Variants in NICOL1 observed in about 807,000 individuals in gnomAD.
NICOL1 encodes the protein NELL2 interacting cell ontogeny regulator 1.
chr4:2,037,505 C>T, the NICOL1 span, among the ~76,000 whole-genome samples: 2 of 152,190 alleles, frequency 1.3e-5, no homozygotes, highest in African/African-American at 4.8e-5. Context: ...GCATTGAAAA[C>T]ATTAAATGCT....
At chr4:2,042,377 C>A in the NICOL1 span, 3 of 517,522 alleles carry the variant, frequency 5.8e-6, no homozygotes, top group African/African-American at 4.0e-5. Context: ...GCGTGCCGGT[C>A]CCCGATGTCA....
the NICOL1 span, among the ~76,000 whole-genome samples, chr4:2,039,902 T>C: frequency 2.6e-5 from 4 of 152,118 alleles, no homozygotes; most frequent in Non-Finnish European, 5.9e-5. Flanking sequence ...ACCAAAAAGA[T>C]GTGTTTTATG....
chr4:2,039,730 C>T, the NICOL1 span, among the ~76,000 whole-genome samples: 2 of 152,066 alleles, frequency 1.3e-5, no homozygotes, highest in African/African-American at 2.4e-5. Context: ...GTCCCAGCTA[C>T]TGGGGAGGCT....
the NICOL1 span, among the ~76,000 whole-genome samples, chr4:2,040,105 C>CAT: frequency 2.7e-4 from 41 of 151,128 alleles, 1 homozygote; most frequent in South Asian, 1.5e-3. Context: ...AAGAAATATA[C>CAT]ATATATATAT....
the NICOL1 span, among the ~76,000 whole-genome samples, chr4:2,040,599 C>G: frequency 6.6e-6 from 1 of 152,202 alleles, no homozygotes; most frequent in Non-Finnish European, 1.5e-5. Context: ...GGCCTGCTCC[C>G]GGGCTCTTGG....
chr4:2,040,838 C>T, the NICOL1 span, among the ~76,000 whole-genome samples: 2 of 151,684 alleles, frequency 1.3e-5, no homozygotes, highest in African/African-American at 4.8e-5. Context: ...CACGCTTCCC[C>T]AACCCACCCT....
At chr4:2,036,908 G>C in the NICOL1 span, among the ~76,000 whole-genome samples, 1 of 152,040 alleles carries the variant, frequency 6.6e-6, no homozygotes, top group African/African-American at 2.4e-5. Context: ...CCTCCACAGG[G>C]GAGGCACTGG....
At chr4:2,038,237 GTATATA>G in the NICOL1 span, among the ~76,000 whole-genome samples, 1,877 of 91,140 alleles carry the variant, frequency 0.021, 28 homozygotes, top group Admixed American at 0.023. Context: ...TGATCAGTGT[GTATATA>G]TATATATATA....
At chr4:2,037,484 ATT>A in the NICOL1 span, among the ~76,000 whole-genome samples, 1 of 152,244 alleles carries the variant, frequency 6.6e-6, no homozygotes, top group African/African-American at 2.4e-5. Flanking sequence ...ACTCATCAAT[ATT>A]TGTGTGATGC....
chr4:2,040,691 G>C, the NICOL1 span, among the ~76,000 whole-genome samples: 3 of 152,218 alleles, frequency 2.0e-5, no homozygotes, highest in African/African-American at 7.2e-5. Flanking sequence ...CTGGGACAGC[G>C]GCCCGCAGCC....
At chr4:2,042,714 C>A in the NICOL1 span, 3 of 1,488,582 alleles carry the variant, frequency 2.0e-6, no homozygotes, top group Non-Finnish European at 1.8e-6. Flanking sequence ...GCCCCCTCCA[C>A]CCTGACCCGC....
the NICOL1 span, chr4:2,042,450 C>T: frequency 1.4e-5 from 6 of 428,458 alleles, no homozygotes; most frequent in East Asian, 1.5e-4. Context: ...CCCGGGCCCG[C>T]GCCGAGCCCG....
At chr4:2,042,634 G>A in the NICOL1 span, 2,418 of 617,374 alleles carry the variant, frequency 3.9e-3, 22 homozygotes, top group Middle Eastern at 0.027. Context: ...GGGGAGTGGG[G>A]ACGTGCGCTC....
At chr4:2,040,658 A>C in the NICOL1 span, among the ~76,000 whole-genome samples, 1 of 152,072 alleles carries the variant, frequency 6.6e-6, no homozygotes, top group Non-Finnish European at 1.5e-5. Flanking sequence ...GACACTCGGG[A>C]GGGCCGCTGC....
the NICOL1 span, chr4:2,042,683 C>G: frequency 9.0e-7 from 1 of 1,116,694 alleles, no homozygotes; most frequent in East Asian, 2.9e-5. Context: ...GCGTGGGGGC[C>G]TTGCGGGTGA....
chr4:2,041,881 C>A, the NICOL1 span: 18 of 1,161,804 alleles, frequency 1.5e-5, no homozygotes, highest in South Asian at 2.3e-4. Flanking sequence ...CAGGGCCAGG[C>A]ACACCCGATT....
the NICOL1 span, chr4:2,042,001 G>T: frequency 7.5e-6 from 11 of 1,469,534 alleles, no homozygotes; most frequent in Admixed American, 1.7e-4. Flanking sequence ...GCGCATGCGC[G>T]TTGCGCGCCG....
At chr4:2,041,923 G>T in the NICOL1 span, 4 of 1,410,554 alleles carry the variant, frequency 2.8e-6, no homozygotes, top group Admixed American at 3.3e-5. Context: ...CTAAACCCGC[G>T]GCCAGCGCAG....
chr4:2,042,048 T>C, the NICOL1 span: 2 of 1,475,290 alleles, frequency 1.4e-6, no homozygotes, highest in African/African-American at 3.0e-5. Flanking sequence ...GCGCTGCTGG[T>C]CCCGGGGTCC....
Sources: gnomAD v4.1 joint callset for allele counts (sites outside exome capture counted in the v4.1 genomes callset) on GRCh38, gnomAD v4.1.1 for gene constraint, MANE v1.5 for transcripts, NCBI Gene and HGNC (gene_info 2026-07-23, HGNC 2026-07-21) for gene names.